The following ANKRD26 variants were observed in gnomAD, a reference collection of about 807,000 sequenced individuals.
ANKRD26 encodes the protein ankyrin repeat domain 26.
In ANKRD26, 141 loss-of-function variants were observed where a neutral mutation model predicts 208.7. The ratio of observed to expected loss-of-function variants is 0.68; its 90% CI spans 0.59 to 0.78. The LOEUF (loss-of-function observed/expected upper bound fraction) is 0.78, where lower values mean the gene tolerates loss of function less well. ANKRD26 is among the 30% of genes least tolerant of loss of function. The pLI, the probability that ANKRD26 is intolerant of heterozygous loss-of-function variation, is 0.00. For missense variants in ANKRD26, 1,889 were observed against 1,938.7 expected, an observed-to-expected ratio of 0.97 and a Z score of 0.48; for synonymous variants, 636 against 660.4, an observed-to-expected ratio of 0.96 and a Z score of 0.57.
chr10:26,984,077 A>G (rs892351082), intron 3 of ANKRD26, among the ~76,000 whole-genome samples: 2 of 151,712 alleles, frequency 1.3e-5, no homozygotes, highest in African/African-American at 2.4e-5. Flanking sequence ...AGAAGGCAAG[A>G]AGGCATAGGA....
intron 30 of ANKRD26, among the ~76,000 whole-genome samples, chr10:27,017,024 C>A (rs2053317686): frequency 6.6e-6 from 1 of 152,072 alleles, no homozygotes; most frequent in African/African-American, 2.4e-5. Flanking sequence ...TCTGTTTCTA[C>A]CAAAAATAAG....
At chr10:27,002,879 T>TC, downstream of ANKRD26, among the ~76,000 whole-genome samples, 1 of 152,354 alleles carries the variant, frequency 6.6e-6, no homozygotes, top group South Asian at 2.1e-4. Flanking sequence ...ACAACCACTA[T>TC]CACTCACTGA....
the ANKRD26 span, among the ~76,000 whole-genome samples, chr10:26,967,694 C>T: frequency 6.6e-6 from 1 of 152,194 alleles, no homozygotes; most frequent in African/African-American, 2.4e-5. Flanking sequence ...AATTCAACTT[C>T]TTTCCACTTC....
At chr10:27,089,399 A>G (rs1464634972) in intron 4 of ANKRD26, among the ~76,000 whole-genome samples, 1 of 152,240 alleles carries the variant, frequency 6.6e-6, no homozygotes, top group East Asian at 1.9e-4. Flanking sequence ...TAAACATGTG[A>G]TAGTATTTTT....
chr10:27,073,336 G>C (rs1158525115), intron 9 of ANKRD26, among the ~76,000 whole-genome samples: 1 of 152,200 alleles, frequency 6.6e-6, no homozygotes, highest in Non-Finnish European at 1.5e-5. Context: ...TGCATCTGTA[G>C]ACAGCCTTCC....
chr10:26,975,503 A>G (rs901032102), exon 6 of ANKRD26, among the ~76,000 whole-genome samples: 9 of 141,542 alleles, frequency 6.4e-5, no homozygotes, highest in Non-Finnish European at 6.0e-5. Context: ...CTGGGATAAC[A>G]GGCATGAGCC....
intron 12 of ANKRD26, 113 bp from the exon 13 acceptor site, chr10:27,061,355 GTT>G: frequency 1.5e-6 from 1 of 658,072 alleles, no homozygotes; most frequent in Non-Finnish European, 2.5e-6. Flanking sequence ...AATTAGTGCA[GTT>G]TTTTAAAATC....
intron 25 of ANKRD26, chr10:27,030,308 A>G (rs1391690119): frequency 9.1e-6 from 8 of 883,394 alleles, no homozygotes; most frequent in Non-Finnish European, 1.1e-5. Flanking sequence ...TTAAACAATT[A>G]TAGATTACTT....
Position 27,017,557 on chromosome 10 carries a change from T to C in ANKRD26, c.4451A>G (p.Glu1484Gly), listed in dbSNP as rs2053338152. 1.2e-6 allele frequency: 2 copies of C among 1,613,644 alleles called. No homozygotes were observed. The highest frequency in any genetic ancestry group is 1.3e-5 in the African/African-American group (1 of 74,934). ...TTCTGCTATTTCCTGTCTTGCTCTT[T>C]CTTCAATCTCCTGTTTATACTGTTT... ...QVKQYKQEIE[E>G]RARQEIAEKL... The change falls in exon 30 of 34, where the codon GAA becomes GGA. Residue 1484 changes from glutamate (E) to glycine (G), a missense_variant. Glu to Gly is a moderately conservative substitution (Grantham distance 98, BLOSUM62 -2). This residue lies in a region of ANKRD26 where 613 missense variants were observed against 648.2 expected (regional missense o/e 0.95). Coordinates refer to ENST00000376087, the MANE Select transcript of ANKRD26 (RefSeq NM_014915.3).
chr10:27,060,794 TA>T (rs1403074824), intron 13 of ANKRD26, among the ~76,000 whole-genome samples: 4 of 152,222 alleles, frequency 2.6e-5, no homozygotes, highest in African/African-American at 9.6e-5. Context: ...TGACTATAAC[TA>T]AAATAGAAAA....
downstream of ANKRD26, among the ~76,000 whole-genome samples, chr10:26,970,597 G>C (rs567875461): frequency 6.6e-6 from 1 of 152,236 alleles, no homozygotes; most frequent in African/African-American, 2.4e-5. Context: ...ACCATGAGCC[G>C]ATTAAACCTC....
At chr10:26,964,007 G>A in the ANKRD26 span, among the ~76,000 whole-genome samples, 1 of 145,712 alleles carries the variant, frequency 6.9e-6, no homozygotes, top group Non-Finnish European at 1.5e-5. Context: ...TGTCTTGCAG[G>A]CTCAAGAGAT....
intron 3 of ANKRD26, among the ~76,000 whole-genome samples, chr10:26,984,613 T>C (rs894512318): frequency 2.0e-5 from 3 of 152,306 alleles, no homozygotes; most frequent in South Asian, 2.1e-4. Flanking sequence ...AAGAATCCTT[T>C]ACCAAAACTT....
chr10:26,961,785 T>C, the ANKRD26 span, among the ~76,000 whole-genome samples: 94,686 of 151,978 alleles, frequency 0.62, 30,202 homozygotes, highest in African/African-American at 0.76. Flanking sequence ...AAGCAGCACC[T>C]GGTAGGTGGA....
At position 27,067,278 on chromosome 10, in the gene ANKRD26, T is replaced by C. The variant is rs71483825; in HGVS notation, c.1086A>G (p.Pro362=). ...LANPGLMKEE[P]TKPGIAKKEN... ...CTTTTTTTGCAATGCCTGGCTTTGT[T>C]GGTTCTTCCTATTAAAAACAAAAAC... Residue 362 remains proline, a synonymous_variant, in exon 10 of 34, where the codon CCA becomes CCG. Coordinates refer to ENST00000376087, the MANE Select transcript of ANKRD26 (RefSeq NM_014915.3). The C allele has an allele frequency of 2.1e-5, 34 of 1,613,228 alleles. No homozygotes were observed. In the African/African-American group the frequency reaches 4.1e-4, roughly 20 times the overall value.
chr10:27,073,677 G>A (rs2055586435), intron 9 of ANKRD26, among the ~76,000 whole-genome samples: 3 of 152,082 alleles, frequency 2.0e-5, no homozygotes, highest in Admixed American at 2.0e-4. Context: ...TTCAGCCTGA[G>A]GCCTGAAATG....
Position 27,092,518 on chromosome 10 carries a change from A to G in ANKRD26, c.532-6T>C. 6.2e-7 allele frequency: 1 copy of G among 1,603,792 alleles called. No homozygotes were observed. The highest frequency in any genetic ancestry group is 8.5e-7 in the Non-Finnish European group (1 of 1,171,514). On this transcript the variant is annotated splice_region_variant and splice_polypyrimidine_tract_variant and intron_variant, in intron 3 of 33. Transcript: ENST00000376087. ...AAAAGTGGTGTGAGGTCATCCTGTAAGACAGCAAAAACAAGTTAAAATGCA... is the reference window on the plus strand; with the variant it reads ...AAAAGTGGTGTGAGGTCATCCTGTAGGACAGCAAAAACAAGTTAAAATGCA...
At chr10:26,980,643 T>C (rs1316425218) in exon 5 of ANKRD26, among the ~76,000 whole-genome samples, 2 of 152,324 alleles carry the variant, frequency 1.3e-5, no homozygotes, top group East Asian at 3.9e-4. Flanking sequence ...CCTTTTCCAC[T>C]TCTTCCAGAT....
At chr10:27,094,919 G>C (rs1225925189) in intron 1 of ANKRD26, among the ~76,000 whole-genome samples, 1 of 151,712 alleles carries the variant, frequency 6.6e-6, no homozygotes, top group Non-Finnish European at 1.5e-5. Flanking sequence ...AGAATCGCTT[G>C]AGCCCAGGAG....
Sources: gnomAD v4.1 joint callset for allele counts (sites outside exome capture counted in the v4.1 genomes callset) on GRCh38, gnomAD v4.1.1 for gene constraint, gnomAD v4.1.1 regional missense constraint, MANE v1.5 for transcripts, NCBI Gene and HGNC (gene_info 2026-07-23, HGNC 2026-07-21) for gene names.